The following NRIP1 variants were observed in gnomAD, a reference collection of about 807,000 sequenced individuals.
NRIP1 encodes nuclear receptor interacting protein 1, also known as nuclear receptor-interacting protein 1.
NRIP1 carries 28 observed loss-of-function variants against 75.0 expected under a neutral mutation model. The ratio of observed to expected loss-of-function variants is 0.37; its 90% CI spans 0.28 to 0.51. The LOEUF is 0.51. Ranked by LOEUF, NRIP1 falls within the 20% of genes least tolerant of loss-of-function variation. The pLI is 0.92. For synonymous variants in NRIP1, 526 were observed against 487.6 expected, an observed-to-expected ratio of 1.08 and a Z score of -1.04; for missense variants, 1,435 against 1,343.7, an observed-to-expected ratio of 1.07 and a Z score of -1.06.
At chr21:15,058,743 C>T (rs1483218625) in intron 1 of NRIP1, among the ~76,000 whole-genome samples, 1 of 152,118 alleles carries the variant, frequency 6.6e-6, no homozygotes, top group East Asian at 1.9e-4. Flanking sequence ...AAAGCAGTAA[C>T]ATATTTAACA....
chr21:15,006,316 G>C (rs1288664195), intron 3 of NRIP1, among the ~76,000 whole-genome samples: 2 of 152,180 alleles, frequency 1.3e-5, no homozygotes, highest in Non-Finnish European at 2.9e-5. Flanking sequence ...ATTAATGCCA[G>C]TAGAGGGTGT....
chr21:15,035,445 T>A (rs1383450172), intron 2 of NRIP1, among the ~76,000 whole-genome samples: 1 of 152,126 alleles, frequency 6.6e-6, no homozygotes, highest in East Asian at 1.9e-4. Context: ...TCTGTATAAT[T>A]CTCATTTTAC....
chr21:14,990,235 T>C (rs771209905), intron 3 of NRIP1, among the ~76,000 whole-genome samples: 1 of 152,202 alleles, frequency 6.6e-6, no homozygotes, highest in Non-Finnish European at 1.5e-5. Context: ...ACATGGTTTA[T>C]TTTCTTCTTT....
intron 3 of NRIP1, among the ~76,000 whole-genome samples, chr21:15,005,571 C>A (rs552998308): frequency 4.1e-4 from 63 of 152,264 alleles, no homozygotes; most frequent in Non-Finnish European, 8.2e-4. Flanking sequence ...ACTGGATTTG[C>A]AAGACAAAAA....
chr21:15,047,274 G>C (rs1026962308), intron 1 of NRIP1, among the ~76,000 whole-genome samples: 75 of 146,976 alleles, frequency 5.1e-4, no homozygotes, highest in African/African-American at 1.8e-3. Context: ...GGGCGCGGTG[G>C]CTCACGCCTG....
At chr21:14,989,448 G>GA (rs1230708966) in intron 3 of NRIP1, among the ~76,000 whole-genome samples, 1 of 152,154 alleles carries the variant, frequency 6.6e-6, no homozygotes, top group African/African-American at 2.4e-5. Flanking sequence ...AACTGTGTAG[G>GA]AAACGTTGAC....
chr21:15,046,673 C>T (rs1350177593), intron 1 of NRIP1, among the ~76,000 whole-genome samples: 1 of 152,202 alleles, frequency 6.6e-6, no homozygotes, highest in Non-Finnish European at 1.5e-5. Flanking sequence ...TATTAAAGTC[C>T]TAGATGGCAT....
At chr21:15,019,271 G>C (rs932960870) in intron 2 of NRIP1, among the ~76,000 whole-genome samples, 3 of 149,646 alleles carry the variant, frequency 2.0e-5, no homozygotes, top group African/African-American at 7.3e-5. Context: ...AAGATCTGAA[G>C]AAGACAAGGA....
chr21:15,042,002 T>A (rs2088965789), intron 2 of NRIP1, among the ~76,000 whole-genome samples: 1 of 152,176 alleles, frequency 6.6e-6, no homozygotes, highest in Non-Finnish European at 1.5e-5. Flanking sequence ...GGTTTGCCAA[T>A]AAATAATAAT....
chr21:15,007,306 G>A (rs2087995678), intron 3 of NRIP1, among the ~76,000 whole-genome samples: 1 of 152,218 alleles, frequency 6.6e-6, no homozygotes, highest in Non-Finnish European at 1.5e-5. Context: ...AAAGGCAGGA[G>A]AGTTGAAGAA....
In NRIP1 at chr21:14,967,714, T is replaced by C; in HGVS notation, c.479A>G (p.Gln160Arg). Residue 160 changes from glutamine (Q) to arginine (R), a missense_variant, in exon 4 of 4, where the codon CAA becomes CGA. By Grantham distance (43) the Gln-to-Arg change is conservative. Coordinates refer to ENST00000318948, the MANE Select transcript of NRIP1 (RefSeq NM_003489.4). ...SQQIRQSLKE[Q>R]GYALSHDSLK... ...AGAATCATGACTGAGGGCATATCCTTGCTCCTTGAGGCTCTGCCTGATTTG... is the reference window on the plus strand; with the variant it reads ...AGAATCATGACTGAGGGCATATCCTCGCTCCTTGAGGCTCTGCCTGATTTG... The C allele has an allele frequency of 6.2e-7, 1 of 1,614,162 alleles. No individual in the cohort carries two copies.
chr21:14,983,126 A>G lies in NRIP1; in HGVS notation c.-334-14600T>C, dbSNP rs1174236818. Among the ~76,000 whole-genome samples, 4 of 152,144 alleles carry G rather than the reference A, an allele frequency of 2.6e-5. No homozygotes were observed. The East Asian group carries it at 7.7e-4, about 29-fold the overall frequency. The stretch of plus-strand genomic sequence containing the variant: ...TCACACTTTAAATCAAAAGCTAGAA[A>G]TGATTAAGCTTAGTGAGGAAGGATG... On this transcript the variant is annotated intron_variant, in intron 3 of 3. Coordinates refer to ENST00000318948, the MANE Select transcript of NRIP1 (RefSeq NM_003489.4).
intron 3 of NRIP1, 31 bp from the exon 4 acceptor site, chr21:14,968,557 G>T: frequency 5.4e-6 from 1 of 185,112 alleles, no homozygotes. Flanking sequence ...AATAGTTAAG[G>T]AGGCAGAACT....
chr21:14,977,018 A>C (rs1425831675), intron 3 of NRIP1, among the ~76,000 whole-genome samples: 1 of 152,196 alleles, frequency 6.6e-6, no homozygotes, highest in Non-Finnish European at 1.5e-5. Context: ...TCTACAATGC[A>C]GCTTTGACCA....
In NRIP1 at chr21:15,031,581, T is replaced by C. The variant is rs372029725; in HGVS notation, c.-458+11914A>G. Among the ~76,000 whole-genome samples the C allele has an allele frequency of 3.9e-3, 554 of 140,614 alleles. No homozygotes were observed. The East Asian group carries it at 0.088, about 22-fold the overall frequency. 92.2% of individuals were successfully genotyped at this position (140,614 alleles called of 152,430 possible). On this transcript the variant is annotated intron_variant, in intron 2 of 3. Transcript: ENST00000318948. ...ATTCCCTTTCTATGTGTATACACTC[T>C]GGAAGGCGCTCGGAGGATCACCACA...
At chr21:14,970,023 A>G (rs755074722) in intron 3 of NRIP1, among the ~76,000 whole-genome samples, 4 of 152,194 alleles carry the variant, frequency 2.6e-5, no homozygotes, top group Non-Finnish European at 5.9e-5. Flanking sequence ...CCAAATATCC[A>G]TTCTCCCATT....
At chr21:15,038,641 G>T (rs2088885850) in intron 2 of NRIP1, among the ~76,000 whole-genome samples, 1 of 151,954 alleles carries the variant, frequency 6.6e-6, no homozygotes, top group Admixed American at 6.6e-5. Flanking sequence ...AAAGGGATGT[G>T]TATGTCAGTT....
intron 2 of NRIP1, among the ~76,000 whole-genome samples, chr21:15,015,229 T>C (rs999030485): frequency 6.6e-6 from 1 of 152,158 alleles, no homozygotes; most frequent in Non-Finnish European, 1.5e-5. Flanking sequence ...AATTCATCTA[T>C]TGTGAAAGAA....
At chr21:14,997,111 C>T (rs191360466) in intron 3 of NRIP1, among the ~76,000 whole-genome samples, 3 of 152,018 alleles carry the variant, frequency 2.0e-5, no homozygotes, top group Admixed American at 2.0e-4. Context: ...GTCAGATCAC[C>T]CCAGTCTCCT....
Sources: gnomAD v4.1 joint callset for allele counts (sites outside exome capture counted in the v4.1 genomes callset) on GRCh38, gnomAD v4.1.1 for gene constraint, MANE v1.5 for transcripts, NCBI Gene and HGNC (gene_info 2026-07-23, HGNC 2026-07-21) for gene names.